The following ASRGL1 variants were observed in gnomAD, a reference collection of about 807,000 sequenced individuals.
ASRGL1 encodes asparaginase and isoaspartyl peptidase 1.
Under a neutral mutation model 22.4 loss-of-function variants are expected in ASRGL1, and 16 were observed. That is an observed-to-expected ratio of 0.71 (90% CI 0.48 to 1.08). The LOEUF (loss-of-function observed/expected upper bound fraction) is 1.08, where lower values mean the gene tolerates loss of function less well. Ranked by LOEUF, ASRGL1 falls within the 50% of genes least tolerant of loss-of-function variation. ASRGL1 has a pLI of 0.00. For synonymous variants in ASRGL1, 165 were observed against 159.3 expected, an observed-to-expected ratio of 1.04 and a Z score of -0.27; for missense variants, 412 against 410.1, an observed-to-expected ratio of 1.00 and a Z score of -0.04.
chr11:62,366,693 G>A (rs1000973589), intron 4 of ASRGL1, among the ~76,000 whole-genome samples: 3 of 151,496 alleles, frequency 2.0e-5, no homozygotes, highest in African/African-American at 7.3e-5. Context: ...ATTCTTTATA[G>A]ATAGATGGGA....
intron 4 of ASRGL1, among the ~76,000 whole-genome samples, chr11:62,363,091 G>A (rs1590729779): frequency 2.0e-5 from 3 of 149,700 alleles, no homozygotes; most frequent in East Asian, 2.0e-4. Context: ...CCGCCACCAC[G>A]CCCGGCTAAT....
At chr11:62,338,557 A>G (rs1945783627) in intron 2 of ASRGL1, among the ~76,000 whole-genome samples, 2 of 152,200 alleles carry the variant, frequency 1.3e-5, no homozygotes. Context: ...TCTGATGAAC[A>G]ATTGATTTAA....
downstream of ASRGL1, among the ~76,000 whole-genome samples, chr11:62,395,777 TTTTTTTTTTTTTG>T (rs1171932115): frequency 8.4e-6 from 1 of 119,378 alleles, no homozygotes; most frequent in Non-Finnish European, 1.8e-5. Context: ...TTTTTTTTTT[TTTTTTTTTTTTTG>T]AGATAGAGTC....
At chr11:62,391,675 G>T (rs2134706648) in intron 6 of ASRGL1, 43 bp downstream of exon 6, 1 of 1,549,692 alleles carries the variant, frequency 6.5e-7, no homozygotes, top group Non-Finnish European at 8.7e-7. Context: ...GTGAAGATAA[G>T]TGCATAGAAG....
At chr11:62,356,576 A>G (rs1946302915) in intron 3 of ASRGL1, 109 bp downstream of exon 3, 4 of 1,336,508 alleles carry the variant, frequency 3.0e-6, no homozygotes, top group Middle Eastern at 4.5e-4. Flanking sequence ...TCCTAAAAAT[A>G]TATACAAAAC....
chr11:62,376,631 TG>T (rs1946938690), intron 4 of ASRGL1, among the ~76,000 whole-genome samples: 1 of 151,942 alleles, frequency 6.6e-6, no homozygotes, highest in African/African-American at 2.4e-5. Context: ...ATCTGAGGAG[TG>T]GTACACTCCT....
the ASRGL1 span, among the ~76,000 whole-genome samples, chr11:62,398,852 C>T: frequency 6.6e-6 from 1 of 152,206 alleles, no homozygotes; most frequent in Non-Finnish European, 1.5e-5. Context: ...TTTCCCCAAG[C>T]CCTTTCCCTG....
At chr11:62,342,209 A>G (rs1945881738) in intron 2 of ASRGL1, among the ~76,000 whole-genome samples, 1 of 152,240 alleles carries the variant, frequency 6.6e-6, no homozygotes, top group Non-Finnish European at 1.5e-5. Context: ...GGAAGGAGGA[A>G]GTAACTTGTG....
At chr11:62,339,585 G>A (rs1565150099) in intron 2 of ASRGL1, among the ~76,000 whole-genome samples, 1 of 152,144 alleles carries the variant, frequency 6.6e-6, no homozygotes, top group African/African-American at 2.4e-5. Flanking sequence ...CATTAAATGA[G>A]TTGATCATGT....
chr11:62,392,129 A>G lies in ASRGL1; in HGVS notation c.772A>G (p.Arg258Gly). ...CCTATCGTTGGGTTATATGAAGTCA[A>G]GGGTTAAAGGTTTAGGTGGCCTCAT... Reference protein sequence around the residue: ...ADLSLGYMKSRVKGLGGLIVV... With the variant: ...ADLSLGYMKSGVKGLGGLIVV... Residue 258 changes from arginine to glycine, a missense_variant, in exon 7 of 7, where the codon AGG becomes GGG. Arg to Gly is a moderately radical substitution (Grantham distance 125, BLOSUM62 -2). Coordinates refer to ENST00000415229, the MANE Select transcript of ASRGL1 (RefSeq NM_001083926.2). 6.2e-7 allele frequency: 1 copy of G among 1,614,208 alleles called. No homozygotes were observed. The highest frequency in any genetic ancestry group is 8.5e-7 in the Non-Finnish European group (1 of 1,180,042).
At chr11:62,357,896 T>C (rs1946340589) in intron 4 of ASRGL1, among the ~76,000 whole-genome samples, 1 of 152,172 alleles carries the variant, frequency 6.6e-6, no homozygotes, top group Admixed American at 6.5e-5. Flanking sequence ...AGTAATGATA[T>C]TTAATCAGAG....
At chr11:62,380,961 C>T (rs1444765060) in intron 4 of ASRGL1, among the ~76,000 whole-genome samples, 3 of 152,056 alleles carry the variant, frequency 2.0e-5, no homozygotes, top group Non-Finnish European at 4.4e-5. Context: ...TTATAGTGGG[C>T]GGCTGAGGCT....
chr11:62,372,389 C>T, intron 4 of ASRGL1: 1 of 1,556,470 alleles, frequency 6.4e-7, no homozygotes, highest in African/African-American at 1.4e-5. Context: ...CCAAAATGGC[C>T]TGTGAGGCTG....
downstream of ASRGL1, among the ~76,000 whole-genome samples, chr11:62,395,755 G>GTTTT (rs1312205503): frequency 1.5e-5 from 1 of 65,120 alleles, no homozygotes; most frequent in Non-Finnish European, 3.5e-5. Context: ...TTTTGTAGCT[G>GTTTT]TTTCTTTTTT....
At chr11:62,361,194 GTTTTT>G (rs1392815543) in intron 4 of ASRGL1, among the ~76,000 whole-genome samples, 1 of 139,184 alleles carries the variant, frequency 7.2e-6, no homozygotes, top group Non-Finnish European at 1.5e-5. Flanking sequence ...GTGGGGTTTT[GTTTTT>G]TTGTTTTTTT....
intron 4 of ASRGL1, chr11:62,372,550 A>G (rs1946801664): frequency 5.4e-6 from 5 of 917,824 alleles, no homozygotes; most frequent in South Asian, 5.2e-5. Context: ...GCGAGTGGCC[A>G]TCTTCATTGA....
At chr11:62,347,213 A>G (rs1257790021) in intron 2 of ASRGL1, among the ~76,000 whole-genome samples, 2 of 152,200 alleles carry the variant, frequency 1.3e-5, no homozygotes, top group African/African-American at 4.8e-5. Context: ...CCTCTGGACT[A>G]TAGTCATCAG....
chr11:62,383,988 T>C (rs981915419), intron 4 of ASRGL1, among the ~76,000 whole-genome samples: 1 of 151,246 alleles, frequency 6.6e-6, no homozygotes, highest in African/African-American at 2.4e-5. Context: ...ATACATAACT[T>C]ATTAAATGCA....
rs1383143308 is a variant in ASRGL1, at chr11:62,340,285, G to C, written c.190+2118G>C. Among the ~76,000 whole-genome samples, 5 of 152,122 alleles carry C rather than the reference G, an allele frequency of 3.3e-5. No individual in the cohort carries two copies. The East Asian group carries it at 9.7e-4, about 29-fold the overall frequency. On this transcript the variant is annotated intron_variant, in intron 2 of 6. Transcript: ENST00000415229. ...ACTCTGTCTCTGAAAATAAAATTAA[G>C]TTCATCTGAATTTAAAATGAGACCT...
Sources: allele counts gnomAD v4.1 joint callset (sites outside exome capture counted in the v4.1 genomes callset), GRCh38; gene constraint gnomAD v4.1.1; transcripts MANE v1.5; gene names NCBI Gene and HGNC (gene_info 2026-07-23, HGNC 2026-07-21).